Variants in USP53 observed in about 807,000 individuals in gnomAD.
USP53 encodes ubiquitin specific peptidase 53.
Under a neutral mutation model 94.9 loss-of-function variants are expected in USP53, and 71 were observed. That is an observed-to-expected ratio of 0.75 (90% CI 0.62 to 0.91). USP53 has a LOEUF of 0.91. USP53 is among the 40% of genes least tolerant of loss of function. The pLI is 0.00. For synonymous variants in USP53, 375 were observed against 422.7 expected (o/e 0.89, Z 1.39); for missense variants, 1,173 against 1,281.0 (o/e 0.92, Z 1.29).
chr4:119,277,647 G>T (rs2149443589), intron 17 of USP53, among the ~76,000 whole-genome samples: 1 of 145,328 alleles, frequency 6.9e-6, no homozygotes, highest in Non-Finnish European at 1.5e-5. Context: ...TCAATTCCTG[G>T]GTATCCTGGT....
chr4:119,254,615 AT>A (rs561287551), intron 7 of USP53, among the ~76,000 whole-genome samples: 127 of 152,230 alleles, frequency 8.3e-4, no homozygotes, highest in Non-Finnish European at 1.6e-3. Context: ...CTAGTTAGCC[AT>A]TTGTCTAACC....
chr4:119,258,544 C>G (rs1750058034), intron 9 of USP53, among the ~76,000 whole-genome samples: 1 of 152,102 alleles, frequency 6.6e-6, no homozygotes, highest in South Asian at 2.1e-4. Flanking sequence ...AAGACATACT[C>G]AAGACTGGGT....
intron 9 of USP53, among the ~76,000 whole-genome samples, chr4:119,257,898 T>C (rs1240788725): frequency 1.3e-5 from 2 of 152,346 alleles, no homozygotes; most frequent in Middle Eastern, 3.4e-3. Flanking sequence ...ACTTTAAAAC[T>C]CTTGAATGAA....
At chr4:119,284,306 C>G (rs62328402) in intron 17 of USP53, among the ~76,000 whole-genome samples, 13,962 of 151,414 alleles carry the variant, frequency 0.092, 825 homozygotes, top group Non-Finnish European at 0.13. Context: ...AAAAAAAACC[C>G]TATTATTAAA....
At chr4:119,252,784 T>C (rs1749203059) in intron 7 of USP53, among the ~76,000 whole-genome samples, 1 of 152,162 alleles carries the variant, frequency 6.6e-6, no homozygotes, top group African/African-American at 2.4e-5. Context: ...AGTTTTTGAA[T>C]TTATTTGCTC....
intron 3 of USP53, among the ~76,000 whole-genome samples, chr4:119,226,453 T>C (rs1424244551): frequency 6.6e-6 from 1 of 152,196 alleles, no homozygotes; most frequent in Non-Finnish European, 1.5e-5. Context: ...AAATCAATTA[T>C]ATTTCTGCAT....
chr4:119,278,216 C>T (rs1752921949), intron 17 of USP53, among the ~76,000 whole-genome samples: 1 of 148,398 alleles, frequency 6.7e-6, no homozygotes, highest in East Asian at 2.0e-4. Flanking sequence ...TACATTTTGG[C>T]ATGATTTTGC....
rs768573830 is a variant in USP53 at position 119,260,652 on chromosome 4, G to A, written c.821G>A (p.Gly274Glu). ...CTAGCAACACATCTTTATCTTCCTG[G>A]GGTATCTTATCTATTTTCATTCCCT... ...RNLATHLYLPGLFYRVTDENA... is the reference protein window; with the variant it reads ...RNLATHLYLPELFYRVTDENA... The change falls in exon 11 of 19, where the codon GGG becomes GAG. Residue 274 changes from glycine (G) to glutamate (E), a missense_variant and splice_region_variant. By Grantham distance (98) the Gly-to-Glu change is moderately conservative. Coordinates refer to ENST00000692078, the MANE Select transcript of USP53 (RefSeq NM_001371395.1). 8.1e-6 allele frequency: 13 copies of A among 1,611,776 alleles called. No individual in the cohort carries two copies. In the Admixed American group the frequency reaches 1.8e-4, roughly 23 times the overall value.
intron 17 of USP53, among the ~76,000 whole-genome samples, chr4:119,287,927 A>G (rs1754302962): frequency 6.6e-6 from 1 of 152,202 alleles, no homozygotes; most frequent in African/African-American, 2.4e-5. Context: ...AGGTCACTTA[A>G]CTTCACTGAG....
intron 12 of USP53, 109 bp downstream of exon 12, chr4:119,261,973 A>G: frequency 8.5e-6 from 8 of 942,602 alleles, no homozygotes; most frequent in Non-Finnish European, 1.1e-5. Context: ...AATATGTAAA[A>G]TAGTAATAAA....
intron 5 of USP53, among the ~76,000 whole-genome samples, chr4:119,240,427 T>A (rs1215232022): frequency 6.6e-6 from 1 of 151,954 alleles, no homozygotes; most frequent in Non-Finnish European, 1.5e-5. Context: ...CAATCCTTGT[T>A]GAAAATCTTA....
intron 5 of USP53, among the ~76,000 whole-genome samples, chr4:119,241,064 C>T (rs181737682): frequency 7.9e-4 from 120 of 152,206 alleles, no homozygotes; most frequent in Non-Finnish European, 1.3e-3. Context: ...TTTCTGTTTA[C>T]CCTTTTTCCT....
At chr4:119,246,436 C>CA (rs1210589192) in intron 6 of USP53, among the ~76,000 whole-genome samples, 4 of 152,218 alleles carry the variant, frequency 2.6e-5, no homozygotes, top group Admixed American at 1.3e-4. Context: ...AGCCCACAGC[C>CA]AGCATCAACT....
chr4:119,289,464 C>T (rs912933313), intron 17 of USP53, among the ~76,000 whole-genome samples: 2 of 152,148 alleles, frequency 1.3e-5, no homozygotes, highest in African/African-American at 2.4e-5. Context: ...GAAAGGGTCT[C>T]GGAGACCTCC....
At chr4:119,255,539 G>T (rs1302625460) in intron 7 of USP53, among the ~76,000 whole-genome samples, 1 of 152,202 alleles carries the variant, frequency 6.6e-6, no homozygotes, top group Non-Finnish European at 1.5e-5. Flanking sequence ...CTCCGTGGGT[G>T]TCGGACCCGC....
At chr4:119,224,525 G>A (rs911688784) in intron 3 of USP53, among the ~76,000 whole-genome samples, 3 of 152,198 alleles carry the variant, frequency 2.0e-5, no homozygotes, top group African/African-American at 7.2e-5. Context: ...GTGGAGTTAG[G>A]GAGGGAGGTT....
chr4:119,239,512 T>A lies in USP53; in HGVS notation c.-248T>A. The A allele has an allele frequency of 2.2e-6, 1 of 455,704 alleles. No individual in the cohort carries two copies. Among genetic ancestry groups the A allele is most frequent in the East Asian group, 3.2e-5 (1 of 31,250 alleles). 28.2% of individuals were successfully genotyped at this position (455,704 alleles called of 1,614,324 possible). ...ATAAAATTTAACACATATAAACATC[T>A]TTAACGCCTTGTTTAAAATAGCTTT... On this transcript the variant is annotated 5_prime_UTR_variant, in exon 5 of 19. Transcript: ENST00000692078.
intron 17 of USP53, among the ~76,000 whole-genome samples, chr4:119,281,883 A>G (rs1365140793): frequency 6.6e-6 from 1 of 152,108 alleles, no homozygotes; most frequent in African/African-American, 2.4e-5. Context: ...AAGTATATTC[A>G]CACTGTTGTG....
intron 17 of USP53, among the ~76,000 whole-genome samples, chr4:119,286,667 A>T (rs1754152388): frequency 6.6e-6 from 1 of 152,064 alleles, no homozygotes; most frequent in Non-Finnish European, 1.5e-5. Flanking sequence ...TTGTTTGTGA[A>T]TATTAAACTT....
Sources: gnomAD v4.1 joint callset for allele counts (sites outside exome capture counted in the v4.1 genomes callset) on GRCh38, gnomAD v4.1.1 for gene constraint, MANE v1.5 for transcripts, NCBI Gene and HGNC (gene_info 2026-07-23, HGNC 2026-07-21) for gene names.